The following SLC25A26 variants were observed in gnomAD, a reference collection of about 807,000 sequenced individuals.
SLC25A26 encodes solute carrier family 25 member 26.
SLC25A26 carries 36 observed loss-of-function variants against 37.8 expected under a neutral mutation model. The ratio of observed to expected loss-of-function variants is 0.95; its 90% CI spans 0.73 to 1.26. The LOEUF (loss-of-function observed/expected upper bound fraction) is 1.26, where lower values mean the gene tolerates loss of function less well. SLC25A26 is among the 50% of genes most tolerant of loss of function. The pLI is 0.00. For synonymous variants in SLC25A26, 129 were observed against 122.5 expected, an observed-to-expected ratio of 1.05 and a Z score of -0.35; for missense variants, 390 against 331.1, an observed-to-expected ratio of 1.18 and a Z score of -1.38.
At chr3:66,295,362 T>C (rs929495712) in intron 5 of SLC25A26, among the ~76,000 whole-genome samples, 7 of 151,878 alleles carry the variant, frequency 4.6e-5, no homozygotes, top group Non-Finnish European at 7.4e-5. Flanking sequence ...TAGCTGGGAT[T>C]ACAGGCGCAT....
chr3:66,138,604 A>G (rs1223404650), intron 1 of SLC25A26, among the ~76,000 whole-genome samples: 1 of 151,336 alleles, frequency 6.6e-6, no homozygotes, highest in Non-Finnish European at 1.5e-5. Flanking sequence ...AATGTTTCCA[A>G]ATGACAAATC....
chr3:66,178,211 T>C (rs1188845141), intron 1 of SLC25A26, among the ~76,000 whole-genome samples: 1 of 149,128 alleles, frequency 6.7e-6, no homozygotes, highest in African/African-American at 2.6e-5. Context: ...CAGGTTCAGA[T>C]GGCCCAACAG....
chr3:66,238,833 C>G (rs1049393626), intron 2 of SLC25A26, among the ~76,000 whole-genome samples: 2 of 151,854 alleles, frequency 1.3e-5, no homozygotes, highest in African/African-American at 4.8e-5. Context: ...GTTTTGGTGT[C>G]TCGGGTGGCA....
chr3:66,331,175 A>T (rs1490402046), intron 5 of SLC25A26, among the ~76,000 whole-genome samples: 2 of 152,074 alleles, frequency 1.3e-5, no homozygotes, highest in East Asian at 3.8e-4. Context: ...TATGAGAGTA[A>T]GAAAAGTTTT....
At chr3:66,214,336 G>C (rs1396886652) in intron 1 of SLC25A26, among the ~76,000 whole-genome samples, 2 of 152,046 alleles carry the variant, frequency 1.3e-5, no homozygotes, top group Non-Finnish European at 2.9e-5. Flanking sequence ...TGCCATACTT[G>C]TACAGCCTGC....
intron 3 of SLC25A26, among the ~76,000 whole-genome samples, chr3:66,248,404 A>G (rs1401370696): frequency 1.3e-5 from 2 of 152,226 alleles, no homozygotes; most frequent in African/African-American, 4.8e-5. Flanking sequence ...TCACACACAG[A>G]AAAAGCCCTT....
chr3:66,150,732 G>A (rs184219605), intron 1 of SLC25A26, among the ~76,000 whole-genome samples: 1 of 143,124 alleles, frequency 7.0e-6, no homozygotes, highest in Admixed American at 7.3e-5. Context: ...AGTAAATGAA[G>A]TAGCTTGTCC....
intron 1 of SLC25A26, among the ~76,000 whole-genome samples, chr3:66,223,014 A>G (rs945243484): frequency 6.6e-6 from 1 of 151,974 alleles, no homozygotes; most frequent in African/African-American, 2.4e-5. Flanking sequence ...TCAGCACACA[A>G]TTTTTCTTCC....
In SLC25A26 at chr3:66,221,055, C is replaced by T; in HGVS notation, c.-40C>T. ...CGCGCGAGGACGTGATCCGCTTCTG[C>T]TCCGGCTTGGATTGTAGCCTTGACG... On this transcript the variant is annotated 5_prime_UTR_variant, in exon 1 of 10. Transcript: ENST00000354883. The T allele has an allele frequency of 6.5e-7, 1 of 1,535,712 alleles. No homozygotes were observed. Among genetic ancestry groups the T allele is most frequent in the African/African-American group, 1.4e-5 (1 of 73,030 alleles).
chr3:66,190,589 T>A (rs1299062666), intron 1 of SLC25A26, among the ~76,000 whole-genome samples: 66 of 152,144 alleles, frequency 4.3e-4, no homozygotes, highest in Non-Finnish European at 7.4e-5. Flanking sequence ...CACCCGCACC[T>A]GGTTAATTTT....
intron 1 of SLC25A26, among the ~76,000 whole-genome samples, chr3:66,150,600 TGAGA>T (rs2070188711): frequency 7.6e-5 from 3 of 39,710 alleles, no homozygotes; most frequent in African/African-American, 2.7e-4. Context: ...ATATATGTAA[TGAGA>T]TATATATATA....
intron 5 of SLC25A26, among the ~76,000 whole-genome samples, chr3:66,323,434 C>T (rs182273997): frequency 6.6e-6 from 1 of 152,180 alleles, no homozygotes; most frequent in African/African-American, 2.4e-5. Context: ...AAGGGAATTG[C>T]AATAGAGAAA....
intron 1 of SLC25A26, among the ~76,000 whole-genome samples, chr3:66,163,369 G>A (rs969233081): frequency 6.6e-6 from 1 of 152,056 alleles, no homozygotes; most frequent in Non-Finnish European, 1.5e-5. Flanking sequence ...TCTCATTATT[G>A]GGTTGTTTTT....
At chr3:66,215,090 A>G (rs1322600893) in intron 1 of SLC25A26, among the ~76,000 whole-genome samples, 1 of 152,232 alleles carries the variant, frequency 6.6e-6, no homozygotes, top group African/African-American at 2.4e-5. Context: ...GCGCCACTAC[A>G]TTCCCGCCTG....
At chr3:66,374,325 A>C (rs996063347) in intron 9 of SLC25A26, among the ~76,000 whole-genome samples, 3 of 152,112 alleles carry the variant, frequency 2.0e-5, no homozygotes, top group African/African-American at 7.2e-5. Context: ...TTTCATTATC[A>C]TATCTGCTGT....
At chr3:66,261,105 G>C (rs535103076) in intron 3 of SLC25A26, among the ~76,000 whole-genome samples, 3 of 152,176 alleles carry the variant, frequency 2.0e-5, no homozygotes, top group Non-Finnish European at 4.4e-5. Flanking sequence ...GGGCTCAAGC[G>C]ACCTTCCTGT....
chr3:66,327,004 G>C (rs2075855337), intron 5 of SLC25A26, among the ~76,000 whole-genome samples: 1 of 152,090 alleles, frequency 6.6e-6, no homozygotes, highest in Non-Finnish European at 1.5e-5. Context: ...AAATGGAAAA[G>C]CATTTTACAA....
At chr3:66,377,183 A>G (rs1410365452) in intron 9 of SLC25A26, among the ~76,000 whole-genome samples, 1 of 152,200 alleles carries the variant, frequency 6.6e-6, no homozygotes, top group Admixed American at 6.5e-5. Flanking sequence ...TGTGATACCA[A>G]GGGGACTGTG....
At chr3:66,328,046 A>G (rs558377602) in intron 5 of SLC25A26, among the ~76,000 whole-genome samples, 2 of 152,100 alleles carry the variant, frequency 1.3e-5, no homozygotes, top group Non-Finnish European at 2.9e-5. Context: ...AAGAAGCAAG[A>G]TGGTTTTATG....
Sources: gnomAD v4.1 joint callset for allele counts (sites outside exome capture counted in the v4.1 genomes callset) on GRCh38, gnomAD v4.1.1 for gene constraint, MANE v1.5 for transcripts, NCBI Gene and HGNC (gene_info 2026-07-23, HGNC 2026-07-21) for gene names.